SNX29: variants seen among roughly 807,000 people sequenced by gnomAD.
SNX29 encodes sorting nexin-29.
A neutral mutation model predicts 102.1 loss-of-function variants in SNX29; 78 were observed. That is an observed-to-expected ratio of 0.76 (90% CI 0.64 to 0.92). SNX29 has a LOEUF of 0.92. Ranked by LOEUF, SNX29 falls within the 40% of genes least tolerant of loss-of-function variation. The pLI is 0.00. For missense variants in SNX29, 1,280 were observed against 1,061.7 expected, an observed-to-expected ratio of 1.21 and a Z score of -2.86; for synonymous variants, 580 against 414.5, an observed-to-expected ratio of 1.40 and a Z score of -4.85.
chr16:12,452,989 C>T (rs1383252418), intron 18 of SNX29, among the ~76,000 whole-genome samples: 1 of 152,164 alleles, frequency 6.6e-6, no homozygotes, highest in Non-Finnish European at 1.5e-5. Flanking sequence ...TAGGCACCCA[C>T]TTTCTCAAGG....
intron 13 of SNX29, among the ~76,000 whole-genome samples, chr16:12,189,425 T>C (rs940388964): frequency 6.6e-6 from 1 of 152,224 alleles, no homozygotes; most frequent in African/African-American, 2.4e-5. Context: ...TTGTGCAGAA[T>C]GTCCGTGCCT....
chr16:12,196,310 AT>A (rs2076771969), intron 13 of SNX29, among the ~76,000 whole-genome samples: 2 of 152,198 alleles, frequency 1.3e-5, no homozygotes, highest in South Asian at 4.1e-4. Flanking sequence ...AATGGCAGCA[AT>A]AATAACCTGT....
chr16:12,029,352 C>G (rs1001176995), intron 4 of SNX29, among the ~76,000 whole-genome samples: 1 of 152,126 alleles, frequency 6.6e-6, no homozygotes, highest in Non-Finnish European at 1.5e-5. Context: ...ATACCAGGAT[C>G]ACTCCAGCTT....
chr16:12,554,588 A>G (rs900735339), intron 20 of SNX29, among the ~76,000 whole-genome samples: 4 of 152,016 alleles, frequency 2.6e-5, no homozygotes, highest in African/African-American at 9.7e-5. Flanking sequence ...CAAGACTTGG[A>G]GCTCCCAAGC....
chr16:12,300,944 C>A (rs1449791877), intron 15 of SNX29, among the ~76,000 whole-genome samples: 1 of 152,166 alleles, frequency 6.6e-6, no homozygotes, highest in East Asian at 1.9e-4. Flanking sequence ...AAATACCCTC[C>A]TTTGAGGACC....
At chr16:12,529,029 C>T (rs953317685) in intron 20 of SNX29, among the ~76,000 whole-genome samples, 1 of 152,204 alleles carries the variant, frequency 6.6e-6, no homozygotes, top group African/African-American at 2.4e-5. Context: ...TCACTGTGTT[C>T]TGTAAGAGGC....
intron 18 of SNX29, among the ~76,000 whole-genome samples, chr16:12,422,371 T>G (rs550278099): frequency 4.8e-4 from 73 of 152,314 alleles, no homozygotes; most frequent in African/African-American, 1.5e-3. Context: ...ACAGCCCTTG[T>G]GTATCTGTTT....
chr16:12,543,474 C>G (rs1391449191), intron 20 of SNX29, among the ~76,000 whole-genome samples: 1 of 152,164 alleles, frequency 6.6e-6, no homozygotes, highest in Non-Finnish European at 1.5e-5. Flanking sequence ...GAACAGCTGT[C>G]AGTAAAGCCA....
intron 3 of SNX29, among the ~76,000 whole-genome samples, chr16:12,016,843 C>G (rs1456047055): frequency 2.0e-5 from 3 of 151,984 alleles, no homozygotes; most frequent in African/African-American, 7.2e-5. Context: ...AAAAATTATA[C>G]TGGCCGAACA....
intron 20 of SNX29, among the ~76,000 whole-genome samples, chr16:12,562,799 G>A (rs895802730): frequency 1.3e-4 from 20 of 152,134 alleles, no homozygotes; most frequent in Non-Finnish European, 2.5e-4. Flanking sequence ...ATCAAGATGT[G>A]GAACAACTCC....
chr16:12,498,723 C>G (rs78513317), intron 19 of SNX29, among the ~76,000 whole-genome samples: 1 of 152,220 alleles, frequency 6.6e-6, no homozygotes, highest in Non-Finnish European at 1.5e-5. Context: ...AACTCTACAT[C>G]TGTCTCTAAG....
chr16:12,452,018 G>C (rs1281247745), intron 18 of SNX29, among the ~76,000 whole-genome samples: 1 of 152,180 alleles, frequency 6.6e-6, no homozygotes, highest in Non-Finnish European at 1.5e-5. Context: ...AAGGGCCCAT[G>C]CTCAGCTGTT....
In SNX29 at chr16:12,526,002, G is replaced by A. The variant is rs1006367202; in HGVS notation, c.2318+1161G>A. Among the ~76,000 whole-genome samples the A allele has an allele frequency of 1.2e-4, 18 of 152,216 alleles. No individual in the cohort carries two copies. The East Asian group carries it at 3.3e-3, about 28-fold the overall frequency. ...TAGGGGAACCAAAACCATCAAGCCC[G>A]ACTTGGTTTTTATGGTCTTCAGATG... On this transcript the variant is annotated intron_variant, in intron 20 of 20. Transcript: ENST00000566228.
At chr16:12,420,387 A>G (rs1156856453) in intron 18 of SNX29, among the ~76,000 whole-genome samples, 2 of 152,184 alleles carry the variant, frequency 1.3e-5, no homozygotes, top group African/African-American at 4.8e-5. Context: ...TGCCTGTCTC[A>G]GAATCAGTAA....
chr16:12,540,498 G>C (rs113868205), intron 20 of SNX29, among the ~76,000 whole-genome samples: 1 of 152,326 alleles, frequency 6.6e-6, no homozygotes, highest in South Asian at 2.1e-4. Flanking sequence ...CAGGGCTGGC[G>C]CCTTCTCGAG....
At chr16:12,505,500 TAA>T (rs1195389719) in intron 19 of SNX29, among the ~76,000 whole-genome samples, 3 of 152,148 alleles carry the variant, frequency 2.0e-5, no homozygotes, top group South Asian at 4.1e-4. Flanking sequence ...GTTCCTTTTT[TAA>T]AAAAACAAAT....
intron 14 of SNX29, among the ~76,000 whole-genome samples, chr16:12,264,421 A>G (rs1305030603): frequency 6.6e-6 from 1 of 152,198 alleles, no homozygotes; most frequent in Admixed American, 6.5e-5. Flanking sequence ...TCCGCCTCTG[A>G]TATGTATAAC....
At chr16:12,457,162 C>T (rs1363131907) in intron 18 of SNX29, among the ~76,000 whole-genome samples, 1 of 152,148 alleles carries the variant, frequency 6.6e-6, no homozygotes, top group Non-Finnish European at 1.5e-5. Context: ...GAGTTCAACC[C>T]CTTTCCAGAA....
At chr16:12,343,140 T>C (rs2081664653) in intron 15 of SNX29, among the ~76,000 whole-genome samples, 1 of 152,184 alleles carries the variant, frequency 6.6e-6, no homozygotes, top group African/African-American at 2.4e-5. Flanking sequence ...GGGAATATGA[T>C]TAAAAACGCA....
Sources: allele counts gnomAD v4.1 joint callset (sites outside exome capture counted in the v4.1 genomes callset), GRCh38; gene constraint gnomAD v4.1.1; transcripts MANE v1.5; gene names NCBI Gene and HGNC (gene_info 2026-07-23, HGNC 2026-07-21).